The following SCARF1 variants were observed in gnomAD, a reference collection of about 807,000 sequenced individuals.
The protein encoded by SCARF1 is scavenger receptor class F member 1.
A neutral mutation model predicts 76.3 loss-of-function variants in SCARF1; 49 were observed. That is an observed-to-expected ratio of 0.64 (90% CI 0.51 to 0.81). The LOEUF (loss-of-function observed/expected upper bound fraction) is 0.81, where lower values mean the gene tolerates loss of function less well. SCARF1 is among the 40% of genes least tolerant of loss of function. The pLI, the probability that SCARF1 is intolerant of heterozygous loss-of-function variation, is 0.00. For missense variants in SCARF1, 1,098 were observed against 1,143.9 expected (o/e 0.96, Z 0.58); for synonymous variants, 495 against 474.6 (o/e 1.04, Z -0.56).
intron 8 of SCARF1, among the ~76,000 whole-genome samples, chr17:1,637,418 G>A (rs1909679096): frequency 6.6e-6 from 1 of 151,758 alleles, no homozygotes; most frequent in Middle Eastern, 3.2e-3. Context: ...GCAGGACCTG[G>A]CAGGTCTTTG....
Position 1,644,047 on chromosome 17 carries a change from A to G in SCARF1, c.266-80T>C. On this transcript the variant is annotated intron_variant, in intron 3 of 10. Transcript: ENST00000263071. This position sits in a 1 kb window ranked among gnomAD's most constrained non-coding sequence, Gnocchi z 4.8. Reference sequence around the variant, plus strand: ...TACCCTGCGTCCCCTTCCTCAAGGAAAAGGGGCGCTGGGCCCATCCTCCAA... The same window carrying G: ...TACCCTGCGTCCCCTTCCTCAAGGAGAAGGGGCGCTGGGCCCATCCTCCAA... 1 of 1,140,054 alleles carries G rather than the reference A, an allele frequency of 8.8e-7. No homozygotes were observed. Among genetic ancestry groups the G allele is most frequent in the South Asian group, 3.4e-5 (1 of 29,072 alleles). 70.6% of individuals were successfully genotyped at this position (1,140,054 alleles called of 1,614,324 possible). A position where few individuals can be genotyped will look rare whatever the true frequency, so the allele number is the denominator to read the frequency against.
upstream of SCARF1, chr17:1,645,732 TG>T (rs1481344026): frequency 1.3e-6 from 2 of 1,558,166 alleles, no homozygotes; most frequent in Non-Finnish European, 8.6e-7. This position sits in a 1 kb window ranked among gnomAD's most constrained non-coding sequence, Gnocchi z 6.3. Context: ...CGGGTTCGTC[TG>T]GCCCCCACAG....
rs1279014922 is a variant in SCARF1 at position 1,633,924 on chromosome 17, TC to T, written c.*833del. On this transcript the variant is annotated 3_prime_UTR_variant, in exon 11 of 11. Transcript: ENST00000263071. Reference sequence around the variant, plus strand: ...GATCATTGCTTTTTATTATACTTTATCAAATTCAATCTAGTAACAAAAGTAA... The same window carrying T: ...GATCATTGCTTTTTATTATACTTTATAAATTCAATCTAGTAACAAAAGTAA... 2.0e-5 allele frequency: 3 copies of T among 152,288 alleles called. No individual in the cohort carries two copies. The highest frequency in any genetic ancestry group is 2.0e-4 in the Admixed American group (3 of 15,290). 9.4% of individuals were successfully genotyped at this position (152,288 alleles called of 1,614,324 possible).
chr17:1,645,456 A>G lies in SCARF1; in HGVS notation c.101+141T>C. Reference sequence around the variant, plus strand: ...GGCCACTACCTGCCAGACCGCCATCAGCAGTCCCTTCCTTTCAGCCTAAGC... The same window carrying G: ...GGCCACTACCTGCCAGACCGCCATCGGCAGTCCCTTCCTTTCAGCCTAAGC... On this transcript the variant is annotated intron_variant, in intron 1 of 10. Coordinates refer to ENST00000263071, the MANE Select transcript of SCARF1 (RefSeq NM_003693.4). The surrounding 1 kb of genome is among the most constrained non-coding windows in gnomAD (Gnocchi z 6.3). 1 of 1,517,486 alleles carries G rather than the reference A, an allele frequency of 6.6e-7. No individual in the cohort carries two copies. Among genetic ancestry groups the G allele is most frequent in the Non-Finnish European group, 8.8e-7 (1 of 1,136,442 alleles). The allele number at this position is 1,517,486 out of a possible 1,614,324, so 94.0% of individuals were successfully genotyped here. A position where few individuals can be genotyped will look rare whatever the true frequency, so the allele number is the denominator to read the frequency against.
At chr17:1,642,113 G>A (rs979219174) in intron 4 of SCARF1, among the ~76,000 whole-genome samples, 5 of 152,076 alleles carry the variant, frequency 3.3e-5, no homozygotes, top group South Asian at 4.1e-4. Context: ...TTGGTCACTC[G>A]ATCCACTTAT....
chr17:1,639,810 AG>A, intron 6 of SCARF1, 68 bp from the exon 7 acceptor site: 1 of 1,607,764 alleles, frequency 6.2e-7, no homozygotes, highest in Non-Finnish European at 8.5e-7. Context: ...GGAGACGGGC[AG>A]GGAGATTTCT....
At chr17:1,638,510 C>A in intron 8 of SCARF1, 1 of 240,752 alleles carries the variant, frequency 4.2e-6, no homozygotes. Flanking sequence ...GAAACTTCCT[C>A]ATTGAAGGCT....
rs1452756804 is a variant in SCARF1 at position 1,638,880 on chromosome 17, A to G, written c.1290T>C (p.Pro430=). Residue 430 remains proline, a synonymous_variant, in exon 8 of 11, where the codon CCT becomes CCC. Transcript: ENST00000263071. ...DTALIAGSLV[P]LLLLFLGLAC... ...CAAGGCCCAGGAAGAGCAGCAGCAG[A>G]GGCACAAGGCTGCCCGCGATGAGGG... 6.2e-7 allele frequency: 1 copy of G among 1,610,494 alleles called. No homozygotes were observed. The highest frequency in any genetic ancestry group is 1.1e-5 in the South Asian group (1 of 90,574).
Position 1,639,950 on chromosome 17 carries a change from T to A in SCARF1, c.1101A>T (p.Thr367=). 6.2e-7 allele frequency: 1 copy of A among 1,614,022 alleles called. No individual in the cohort carries two copies. The highest frequency in any genetic ancestry group is 8.5e-7 in the Non-Finnish European group (1 of 1,179,982). Residue 367 remains threonine (T), a synonymous_variant, in exon 6 of 11, where the codon ACA becomes ACT. Transcript: ENST00000263071. ...TCVQGSCDTV[T]GDCVCSAGYW... is the part of the protein sequence containing the mutation. ...AGCCGGCACTGCAGACACAGTCCCC[T>A]GTCACAGTATCACAGGACCCCTGAA...
chr17:1,639,548 C>G (rs1230514477), intron 7 of SCARF1, 91 bp downstream of exon 7: 14 of 836,020 alleles, frequency 1.7e-5, no homozygotes, highest in Non-Finnish European at 2.5e-5. Flanking sequence ...GAAGTGGGCC[C>G]AGACTCCCTG....
rs377414918 is a variant in SCARF1 at position 1,645,134 on chromosome 17, C to T, written c.163+44G>A. On this transcript the variant is annotated intron_variant, in intron 2 of 10. Transcript: ENST00000263071. The surrounding 1 kb of genome is among the most constrained non-coding windows in gnomAD (Gnocchi z 6.3). ...GGAAGGAAGGGTTGTCACTGGGCTA[C>T]GGCCTCCCTTCTCCTTGGCTGAGGG... The T allele has an allele frequency of 2.2e-5, 35 of 1,609,196 alleles. No homozygotes were observed. The highest frequency in any genetic ancestry group is 1.1e-4 in the African/African-American group (8 of 74,850).
Position 1,635,056 on chromosome 17 carries a change from G to A in SCARF1, c.2195C>T (p.Pro732Leu), listed in dbSNP as rs370443375. The A allele has an allele frequency of 3.1e-6, 5 of 1,613,814 alleles. No homozygotes were observed. Among genetic ancestry groups the A allele is most frequent in the Non-Finnish European group, 3.4e-6 (4 of 1,179,930 alleles). Reference sequence around the variant, plus strand: ...CTTTTTCCGATTCAGGGCCTGGCGCGGAGGCTTAGGGATGGCCCTCTTGAC... The same window carrying A: ...CTTTTTCCGATTCAGGGCCTGGCGCAGAGGCTTAGGGATGGCCCTCTTGAC... ...AKVKRAIPKP[P>L]RQALNRKKGS... Residue 732 changes from proline (P) to leucine (L), a missense_variant, in exon 11 of 11, where the codon CCG becomes CTG. By Grantham distance (98) the Pro-to-Leu change is moderately conservative. Transcript: ENST00000263071.
In SCARF1 at chr17:1,640,254, T is replaced by C; in HGVS notation, c.1010+194A>G. ...CAGAGGGCGAGGAGGGCAGGAAGCCTCAGAGGGGAGGGAGCTGGGATCCTG... is the reference window on the plus strand; with the variant it reads ...CAGAGGGCGAGGAGGGCAGGAAGCCCCAGAGGGGAGGGAGCTGGGATCCTG... On this transcript the variant is annotated intron_variant, in intron 5 of 10. Transcript: ENST00000263071. This position sits in a 1 kb window ranked among gnomAD's most constrained non-coding sequence, Gnocchi z 4.7. 1.3e-6 allele frequency: 1 copy of C among 763,944 alleles called. No individual in the cohort carries two copies. 47.3% of individuals were successfully genotyped at this position (763,944 alleles called of 1,614,324 possible).
Position 1,635,608 on chromosome 17 carries a change from G to T in SCARF1, c.1643C>A (p.Pro548His), listed in dbSNP as rs551094377. Residue 548 changes from proline to histidine, a missense_variant, in exon 11 of 11, where the codon CCT becomes CAT. By Grantham distance (77) the Pro-to-His change is moderately conservative. Transcript: ENST00000263071. Reference protein sequence around the residue: ...YCVPPQEGMVPVAQAGSSEAS... With the variant: ...YCVPPQEGMVHVAQAGSSEAS... Reference sequence around the variant, plus strand: ...CTCTGACGACCCTGCCTGGGCCACAGGGACCATCCCTGGCAGAGGAGACAG... The same window carrying T: ...CTCTGACGACCCTGCCTGGGCCACATGGACCATCCCTGGCAGAGGAGACAG... 1 of 1,601,266 alleles carries T rather than the reference G, an allele frequency of 6.2e-7. No homozygotes were observed. Among genetic ancestry groups the T allele is most frequent in the East Asian group, 2.2e-5 (1 of 44,876 alleles).
Position 1,635,054 on chromosome 17 carries a change from G to A in SCARF1, c.2197C>T (p.Arg733Cys), listed in dbSNP as rs780951678. ...CCCTTTTTCCGATTCAGGGCCTGGC[G>A]CGGAGGCTTAGGGATGGCCCTCTTG... ...KVKRAIPKPPRQALNRKKGSP... is the reference protein window; with the variant it reads ...KVKRAIPKPPCQALNRKKGSP... The change falls in exon 11 of 11, where the codon CGC (arginine) becomes TGC (cysteine). Residue 733 changes from arginine to cysteine, a missense_variant. By Grantham distance (180) the Arg-to-Cys change is radical. Transcript: ENST00000263071. 6 of 1,613,852 alleles carry A rather than the reference G, an allele frequency of 3.7e-6. No individual in the cohort carries two copies. The highest frequency in any genetic ancestry group is 2.2e-5 in the South Asian group (2 of 91,088).
Position 1,639,954 on chromosome 17 carries a change from A to G in SCARF1, c.1097T>C (p.Val366Ala). 6.2e-7 allele frequency: 1 copy of G among 1,614,006 alleles called. No homozygotes were observed. The highest frequency in any genetic ancestry group is 8.5e-7 in the Non-Finnish European group (1 of 1,179,974). Reference sequence around the variant, plus strand: ...GGCACTGCAGACACAGTCCCCTGTCACAGTATCACAGGACCCCTGAACACA... The same window carrying G: ...GGCACTGCAGACACAGTCCCCTGTCGCAGTATCACAGGACCCCTGAACACA... ...PTCVQGSCDT[V>A]TGDCVCSAGY... The change falls in exon 6 of 11, where the codon GTG becomes GCG. Residue 366 changes from valine (V) to alanine (A), a missense_variant. Coordinates refer to ENST00000263071, the MANE Select transcript of SCARF1 (RefSeq NM_003693.4).
Position 1,643,889 on chromosome 17 carries a change from G to C in SCARF1, c.344C>G (p.Thr115Arg). ...GTCGGCCTGGCACTGGCACGCGCCC[G>C]TGGCTGGCTCGCACTGGCCGTGCGG... The part of the protein sequence containing the change: ...CHPHGQCEPA[T>R]GACQCQADRW... The change falls in exon 4 of 11, where the codon ACG (threonine) becomes AGG (arginine). Residue 115 changes from threonine to arginine, a missense_variant. Transcript: ENST00000263071. The C allele has an allele frequency of 7.6e-7, 1 of 1,317,526 alleles. No individual in the cohort carries two copies. The highest frequency in any genetic ancestry group is 2.1e-5 in the South Asian group (1 of 47,142). 81.6% of individuals were successfully genotyped at this position (1,317,526 alleles called of 1,614,324 possible).
rs114504394 is a variant in SCARF1 at position 1,636,441 on chromosome 17, C to T, written c.1633+268G>A. 4.6e-3 allele frequency among the ~76,000 whole-genome samples: 693 copies of T among 152,154 alleles called. 3 individuals carry two copies. The highest frequency in any genetic ancestry group is 0.016 in the African/African-American group (653 of 41,490). ...CGATCCTGGCTAACACGGTGAAACCCGGTCTCTACTAAAATATAAAAATTA... is the reference window on the plus strand; with the variant it reads ...CGATCCTGGCTAACACGGTGAAACCTGGTCTCTACTAAAATATAAAAATTA... On this transcript the variant is annotated intron_variant, in intron 10 of 10. Coordinates refer to ENST00000263071, the MANE Select transcript of SCARF1 (RefSeq NM_003693.4).
At position 1,634,866 on chromosome 17, in the gene SCARF1, A is replaced by G; in HGVS notation, c.2385T>C (p.Ser795=). 1 of 1,613,634 alleles carries G rather than the reference A, an allele frequency of 6.2e-7. No individual in the cohort carries two copies. ...GATCCTGTTCTGGGGAGCCACAGCC[A>G]GAGACTGGCTCCTGGGCTCTCCTTG... ...ESSRRAQEPV[S]GCGSPEQDPQ... Residue 795 remains serine, a synonymous_variant, in exon 11 of 11, where the codon TCT becomes TCC. Transcript: ENST00000263071.
Sources: gnomAD v4.1 joint callset for allele counts (sites outside exome capture counted in the v4.1 genomes callset) on GRCh38, gnomAD v4.1.1 for gene constraint, Gnocchi (gnomAD v3.1) non-coding constraint, MANE v1.5 for transcripts, NCBI Gene and HGNC (gene_info 2026-07-23, HGNC 2026-07-21) for gene names.